PER3: variants seen among roughly 807,000 people sequenced by gnomAD.
The protein encoded by PER3 is period circadian protein homolog 3.
A neutral mutation model predicts 127.2 loss-of-function variants in PER3; 107 were observed. The ratio of observed to expected loss-of-function variants is 0.84; its 90% CI spans 0.72 to 0.99. The LOEUF is 0.99. PER3 is among the 50% of genes least tolerant of loss of function. The pLI is 0.00. For missense variants in PER3, 1,560 were observed against 1,525.8 expected (o/e 1.02, Z -0.37); for synonymous variants, 618 against 585.8 (o/e 1.05, Z -0.79).
At chr1:7,810,206 T>G (rs2097213325) in intron 12 of PER3, 185 bp downstream of exon 12, 4 of 668,718 alleles carry the variant, frequency 6.0e-6, no homozygotes, top group Non-Finnish European at 7.6e-6. Context: ...TGGAAAGTGA[T>G]ATTTGAATTA....
At chr1:7,831,329 C>A (rs1342811953) in intron 19 of PER3, among the ~76,000 whole-genome samples, 1 of 152,146 alleles carries the variant, frequency 6.6e-6, no homozygotes, top group African/African-American at 2.4e-5. Context: ...TTGCTAAACT[C>A]ATTGATTAGT....
Position 7,810,500 on chromosome 1 carries a change from C to T in PER3, c.1434C>T (p.Tyr478=), listed in dbSNP as rs1368031504. 5 of 1,613,042 alleles carry T rather than the reference C, an allele frequency of 3.1e-6. No individual in the cohort carries two copies. The highest frequency in any genetic ancestry group is 4.2e-6 in the Non-Finnish European group (5 of 1,179,138). Residue 478 remains tyrosine, a synonymous_variant, in exon 13 of 22, where the codon TAC becomes TAT. Transcript: ENST00000377532. ...NKIKNLGQQL[Y]IESMTKSSFK... Reference sequence around the variant, plus strand: ...TTAAAAATCTGGGTCAGCAGCTCTACATTGAGTCAATGACCAAATCATCAT... The same window carrying T: ...TTAAAAATCTGGGTCAGCAGCTCTATATTGAGTCAATGACCAAATCATCAT...
chr1:7,821,364 ATCTT>A (rs1451838962), intron 16 of PER3, among the ~76,000 whole-genome samples: 1 of 152,224 alleles, frequency 6.6e-6, no homozygotes, highest in Non-Finnish European at 1.5e-5. Context: ...ATCTCATTAA[ATCTT>A]TCCAACAACC....
At chr1:7,808,660 A>C (rs993558041) in intron 10 of PER3, among the ~76,000 whole-genome samples, 7 of 152,190 alleles carry the variant, frequency 4.6e-5, no homozygotes, top group Non-Finnish European at 7.3e-5. Flanking sequence ...ATAGCACTGA[A>C]ACCATTACAG....
At chr1:7,841,409 G>T (rs1392021702) in intron 21 of PER3, among the ~76,000 whole-genome samples, 3 of 152,038 alleles carry the variant, frequency 2.0e-5, no homozygotes, top group African/African-American at 4.8e-5. Context: ...TGGAAGACGG[G>T]GTCCTTATTG....
In PER3 at chr1:7,802,951, T is replaced by C. The variant is rs564458469; in HGVS notation, c.873-96T>C. 19 of 776,290 alleles carry C rather than the reference T, an allele frequency of 2.4e-5. No homozygotes were observed. The African/African-American group carries it at 3.2e-4, about 13-fold the overall frequency. 48.1% of individuals were successfully genotyped at this position (776,290 alleles called of 1,614,324 possible). A position where few individuals can be genotyped will look rare whatever the true frequency, so the allele number is the denominator to read the frequency against. The stretch of plus-strand genomic sequence containing the variant: ...CTAAGATAAACAGCTTTGCATAAAA[T>C]TGTCTCACATTTAGAATGAAATACA... On this transcript the variant is annotated intron_variant, in intron 8 of 21. Coordinates refer to ENST00000377532, the MANE Select transcript of PER3 (RefSeq NM_001377275.1).
chr1:7,801,102 T>C lies in PER3; in HGVS notation c.794-11T>C. ...TTGCCTTTAAATGGGTCTTTGTTTT[T>C]TTTTCCTTAGCTCCTCGGATCCCAG... On this transcript the variant is annotated splice_polypyrimidine_tract_variant and intron_variant, in intron 7 of 21. Coordinates refer to ENST00000377532, the MANE Select transcript of PER3 (RefSeq NM_001377275.1). 6.3e-7 allele frequency: 1 copy of C among 1,584,160 alleles called. No homozygotes were observed.
chr1:7,788,905 G>GA (rs1335446858), intron 5 of PER3, among the ~76,000 whole-genome samples: 2 of 60,196 alleles, frequency 3.3e-5, no homozygotes, highest in Non-Finnish European at 7.3e-5. Flanking sequence ...ACTGTTTCTG[G>GA]GGAAAAAAAA....
intron 16 of PER3, among the ~76,000 whole-genome samples, chr1:7,823,455 C>A (rs1460286981): frequency 6.6e-6 from 1 of 152,090 alleles, no homozygotes; most frequent in South Asian, 2.1e-4. Context: ...CCAGCCTGAC[C>A]AACACGGAGA....
intron 16 of PER3, among the ~76,000 whole-genome samples, chr1:7,820,929 G>C (rs961544043): frequency 6.6e-6 from 1 of 152,142 alleles, no homozygotes; most frequent in Non-Finnish European, 1.5e-5. Context: ...ATTAGTGTTA[G>C]CCATTATTAA....
intron 5 of PER3, among the ~76,000 whole-genome samples, chr1:7,790,077 C>T (rs909610385): frequency 2.0e-5 from 3 of 152,186 alleles, no homozygotes; most frequent in Non-Finnish European, 4.4e-5. Flanking sequence ...CAGGTCTTTC[C>T]CATTTTTTCC....
chr1:7,819,456 G>A, intron 14 of PER3, 36 bp downstream of exon 14: 1 of 1,600,870 alleles, frequency 6.2e-7, no homozygotes, highest in Non-Finnish European at 8.6e-7. Flanking sequence ...ATGTAAGTCT[G>A]TTCCGGAAGC....
In PER3 at chr1:7,842,690, A is replaced by T; in HGVS notation, c.3568A>T (p.Asn1190Tyr). The change falls in exon 22 of 22, where the codon AAT (asparagine) becomes TAT (tyrosine). Residue 1190 changes from asparagine to tyrosine, a missense_variant. Coordinates refer to ENST00000377532, the MANE Select transcript of PER3 (RefSeq NM_001377275.1). ...IDIQACVTCE[N>Y]EDSADGAATS... ...TTTGGAGGCCTGTGTCACTTGTGAAAATGAAGATTCAGCTGATGGTGCGGC... is the reference window on the plus strand; with the variant it reads ...TTTGGAGGCCTGTGTCACTTGTGAATATGAAGATTCAGCTGATGGTGCGGC... 1 of 1,613,410 alleles carries T rather than the reference A, an allele frequency of 6.2e-7. No homozygotes were observed. Among genetic ancestry groups the T allele is most frequent in the Non-Finnish European group, 8.5e-7 (1 of 1,179,526 alleles).
At chr1:7,795,416 G>T (rs972453620) in intron 6 of PER3, among the ~76,000 whole-genome samples, 2 of 152,182 alleles carry the variant, frequency 1.3e-5, no homozygotes, top group Non-Finnish European at 2.9e-5. Flanking sequence ...CGGGAGTTCT[G>T]GGAAGCGGGA....
At position 7,801,211 on chromosome 1, in the gene PER3, T is replaced by C. The variant is rs1398338535; in HGVS notation, c.872+20T>C. ...TGAAAAGTAAGTACTTCTTTAAGCC[T>C]AAAAGAAATTTGTTTCTGAAAATAA... On this transcript the variant is annotated intron_variant, in intron 8 of 21. Transcript: ENST00000377532. 5 of 1,327,062 alleles carry C rather than the reference T, an allele frequency of 3.8e-6. No individual in the cohort carries two copies. In the East Asian group the frequency reaches 9.3e-5, roughly 25 times the overall value. 82.2% of individuals were successfully genotyped at this position (1,327,062 alleles called of 1,614,324 possible).
intron 5 of PER3, 73 bp downstream of exon 5, chr1:7,788,319 A>G: frequency 9.7e-7 from 1 of 1,029,568 alleles, no homozygotes; most frequent in Admixed American, 1.9e-5. Context: ...AATAGTACAG[A>G]AATTAACATA....
In PER3 at chr1:7,844,011, AT is replaced by A; in HGVS notation, c.*1257del. On this transcript the variant is annotated 3_prime_UTR_variant, in exon 22 of 22. Coordinates refer to ENST00000377532, the MANE Select transcript of PER3 (RefSeq NM_001377275.1). ...GGTTACAGTAACCTGTTGTCTTTAT[AT>A]AACTTGCAACAAACTAATTTATTTT... 8 of 1,140,206 alleles carry A rather than the reference AT, an allele frequency of 7.0e-6. No homozygotes were observed. Among genetic ancestry groups the A allele is most frequent in the Non-Finnish European group, 2.2e-6 (2 of 901,536 alleles). 70.6% of individuals were successfully genotyped at this position (1,140,206 alleles called of 1,614,324 possible). A position where few individuals can be genotyped will look rare whatever the true frequency, so the allele number is the denominator to read the frequency against.
Position 7,803,854 on chromosome 1 carries a change from C to A in PER3, c.1136+6C>A. On this transcript the variant is annotated splice_donor_region_variant and intron_variant, in intron 10 of 21. Transcript: ENST00000377532. Reference sequence around the variant, plus strand: ...GGTCGGCATAAAGTTCGAACGTAAGCCAGTCAGTTTTCATATTTTCTAAAA... The same window carrying A: ...GGTCGGCATAAAGTTCGAACGTAAGACAGTCAGTTTTCATATTTTCTAAAA... 6.2e-7 allele frequency: 1 copy of A among 1,608,200 alleles called. No homozygotes were observed. The highest frequency in any genetic ancestry group is 8.5e-7 in the Non-Finnish European group (1 of 1,176,540).
chr1:7,826,591 A>G lies in PER3; in HGVS notation c.2069A>G (p.His690Arg). ...CTCACAGCGGCTGTTCTGTCAGCGCACACCCAGAAGGAAGAGCAGAATTAT... is the reference window on the plus strand; with the variant it reads ...CTCACAGCGGCTGTTCTGTCAGCGCGCACCCAGAAGGAAGAGCAGAATTAT... ...VGLTAAVLSAHTQKEEQNYVD... is the reference protein window; with the variant it reads ...VGLTAAVLSARTQKEEQNYVD... Residue 690 changes from histidine (H) to arginine (R), a missense_variant, in exon 17 of 22, where the codon CAC becomes CGC. Physicochemically the swap from His to Arg is conservative, Grantham distance 29. Transcript: ENST00000377532. The surrounding 1 kb of genome is among the most constrained non-coding windows in gnomAD (Gnocchi z 4.2). 4 of 1,612,682 alleles carry G rather than the reference A, an allele frequency of 2.5e-6. No homozygotes were observed. The highest frequency in any genetic ancestry group is 1.1e-5 in the South Asian group (1 of 91,052).
Sources: gnomAD v4.1 joint callset for allele counts (sites outside exome capture counted in the v4.1 genomes callset) on GRCh38, gnomAD v4.1.1 for gene constraint, Gnocchi (gnomAD v3.1) non-coding constraint, MANE v1.5 for transcripts, NCBI Gene and HGNC (gene_info 2026-07-23, HGNC 2026-07-21) for gene names.